Variants in ACIN1 observed in about 807,000 individuals in gnomAD.
The protein encoded by ACIN1 is apoptotic chromatin condensation inducer in the nucleus.
In ACIN1, 16 loss-of-function variants were observed where a neutral mutation model predicts 146.6. That is an observed-to-expected ratio of 0.11 (90% CI 0.07 to 0.17). The LOEUF (loss-of-function observed/expected upper bound fraction) is 0.17, where lower values mean the gene tolerates loss of function less well. Ranked by LOEUF, ACIN1 falls within the 10% of genes least tolerant of loss-of-function variation. The pLI is 1.00. For missense variants in ACIN1, 1,357 were observed against 1,609.3 expected, an observed-to-expected ratio of 0.84 and a Z score of 2.68; for synonymous variants, 569 against 582.7, an observed-to-expected ratio of 0.98 and a Z score of 0.34.
chr14:23,079,688 G>A lies in ACIN1; in HGVS notation c.1647C>T (p.Leu549=), dbSNP rs1594772010. The change falls in exon 6 of 19, where the codon CTC becomes CTT. Residue 549 remains leucine (L), a synonymous_variant. Transcript: ENST00000605057. ...DSSGSRSHSP[L]RSKQRDVAQA... The stretch of plus-strand genomic sequence containing the variant: ...GGGCTACATCTCTCTGCTTGGATCT[G>A]AGCGGTGAATGAGACCGAGAACCTG... 6.2e-7 allele frequency: 1 copy of A among 1,614,136 alleles called. No individual in the cohort carries two copies. The highest frequency in any genetic ancestry group is 8.5e-7 in the Non-Finnish European group (1 of 1,180,028).
intron 18 of ACIN1, among the ~76,000 whole-genome samples, chr14:23,059,956 GTTTTTTTT>G (rs397830741): frequency 1.0e-5 from 1 of 100,148 alleles, no homozygotes; most frequent in African/African-American, 4.1e-5. Flanking sequence ...CGCCCCGCCA[GTTTTTTTT>G]TTTTTTTTTT....
Position 23,080,302 on chromosome 14 carries a change from C to G in ACIN1, c.1033G>C (p.Ala345Pro). Reference protein sequence around the residue: ...TEDRKKASLVALPEQTASEEE... With the variant: ...TEDRKKASLVPLPEQTASEEE... ...TCGCTGGCAGTTTGCTCTGGCAGCG[C>G]TACAAGTGAGGCCTTCTTTCGATCT... Residue 345 changes from alanine (A) to proline (P), a missense_variant, in exon 6 of 19, where the codon GCG (alanine) becomes CCG (proline). Ala to Pro is a conservative substitution (Grantham distance 27). This residue lies in a region of ACIN1 where 771 missense variants were observed against 746.6 expected (regional missense o/e 1.03). Transcript: ENST00000605057. 1 of 1,614,172 alleles carries G rather than the reference C, an allele frequency of 6.2e-7. No individual in the cohort carries two copies. The highest frequency in any genetic ancestry group is 1.3e-5 in the African/African-American group (1 of 75,038).
At chr14:23,059,675 C>T (rs2047205363) in intron 18 of ACIN1, among the ~76,000 whole-genome samples, 2 of 147,882 alleles carry the variant, frequency 1.4e-5, no homozygotes, top group African/African-American at 2.5e-5. Context: ...TTTTCTGAGA[C>T]GGAGTCTCGC....
At chr14:23,078,632 C>A (rs897325515) in intron 7 of ACIN1, among the ~76,000 whole-genome samples, 188 bp downstream of exon 7, 9 of 152,190 alleles carry the variant, frequency 5.9e-5, no homozygotes, top group African/African-American at 1.4e-4. Flanking sequence ...GATAACCCTG[C>A]TGCTCAGCCT....
chr14:23,080,318 C>T lies in ACIN1; in HGVS notation c.1017G>A (p.Lys339=), dbSNP rs976008864. 4 of 1,614,204 alleles carry T rather than the reference C, an allele frequency of 2.5e-6. No individual in the cohort carries two copies. Among genetic ancestry groups the T allele is most frequent in the Non-Finnish European group, 3.4e-6 (4 of 1,180,030 alleles). Reference sequence around the variant, plus strand: ...CTGGCAGCGCTACAAGTGAGGCCTTCTTTCGATCTTCAGTCAGTCGAGGAG... The same window carrying T: ...CTGGCAGCGCTACAAGTGAGGCCTTTTTTCGATCTTCAGTCAGTCGAGGAG... ...PSPPRLTEDR[K]KASLVALPEQ... The change falls in exon 6 of 19, where the codon AAG becomes AAA. Residue 339 remains lysine (K), a synonymous_variant. Transcript: ENST00000605057.
chr14:23,059,113 A>G lies in ACIN1; in HGVS notation c.*35T>C, dbSNP rs773115909. 2.5e-6 allele frequency: 4 copies of G among 1,602,836 alleles called. No homozygotes were observed. The East Asian group carries it at 6.7e-5, about 27-fold the overall frequency. ...CTGTGGCCATAACCCCCTGGGGCCG[A>G]GTGGCTGGTACCTGCAGCTCTAGTG... On this transcript the variant is annotated 3_prime_UTR_variant, in exon 19 of 19. Transcript: ENST00000605057.
At position 23,061,312 on chromosome 14, in the gene ACIN1, T is replaced by C. The variant is rs758319498; in HGVS notation, c.3410A>G (p.Lys1137Arg). The C allele has an allele frequency of 1.2e-6, 2 of 1,614,034 alleles. No individual in the cohort carries two copies. The highest frequency in any genetic ancestry group is 1.7e-6 in the Non-Finnish European group (2 of 1,179,922). Residue 1137 changes from lysine (K) to arginine (R), a missense_variant, in exon 17 of 19, where the codon AAG becomes AGG. This residue lies in a region of ACIN1 where 509 missense variants were observed against 719.6 expected (regional missense o/e 0.71). Transcript: ENST00000605057. ...RKERAKSKEK[K>R]SEKKEKAQEE... is the part of the protein sequence containing the mutation. ...TAAGTACCTACCTTTCTTCTCACTC[T>C]TCTTTTCTTTAGACTTCGCACGTTC...
rs1594731950 is a variant in ACIN1, at chr14:23,058,823, T to G, written c.*325A>C. The G allele has an allele frequency of 5.5e-6, 2 of 363,080 alleles. No homozygotes were observed. The highest frequency in any genetic ancestry group is 9.9e-5 in the East Asian group (2 of 20,150). The allele number at this position is 363,080 out of a possible 1,614,324, so 22.5% of individuals were successfully genotyped here. ...AGAAGGCTGTAAGTACCCAGGGAGG[T>G]GGTAAGCAGGATGGAGGAAAAATCA... On this transcript the variant is annotated 3_prime_UTR_variant, in exon 19 of 19. Coordinates refer to ENST00000605057, the MANE Select transcript of ACIN1 (RefSeq NM_001386863.1).
chr14:23,078,087 G>A, intron 8 of ACIN1, 64 bp downstream of exon 8: 1 of 1,450,418 alleles, frequency 6.9e-7, no homozygotes, highest in East Asian at 2.3e-5. Flanking sequence ...AGAACCCTAG[G>A]GAGCGAAGAA....
At chr14:23,072,742 T>A (rs1393731520) in intron 8 of ACIN1, among the ~76,000 whole-genome samples, 1 of 152,252 alleles carries the variant, frequency 6.6e-6, no homozygotes, top group East Asian at 1.9e-4. Flanking sequence ...ATCTTACACT[T>A]ACAATGCCAA....
At chr14:23,093,421 CT>C in intron 2 of ACIN1, 57 bp downstream of exon 2, 1 of 1,510,406 alleles carries the variant, frequency 6.6e-7, no homozygotes, top group South Asian at 1.1e-5. Context: ...ACACCACGTC[CT>C]TCCATGTGTC....
chr14:23,094,995 G>A lies in ACIN1; in HGVS notation c.118C>T (p.Leu40=). The A allele has an allele frequency of 6.2e-7, 1 of 1,606,286 alleles. No individual in the cohort carries two copies. The highest frequency in any genetic ancestry group is 1.1e-5 in the South Asian group (1 of 90,996). The change falls in exon 1 of 19, where the codon CTG becomes TTG. Residue 40 remains leucine, a synonymous_variant. Transcript: ENST00000605057. ...GLAKSGQKSA[L]VKRLKGALML... ...CTCACCCCTTTGAGCCGCTTGACCA[G>A]GGCACTCTTCTGCCCGCTCTTGGCT... is the stretch of plus-strand genomic sequence containing the variant.
intron 15 of ACIN1, 51 bp from the exon 16 acceptor site, chr14:23,062,326 C>CCCACGTGCTG: frequency 6.3e-7 from 1 of 1,595,418 alleles, no homozygotes; most frequent in Non-Finnish European, 8.6e-7. Flanking sequence ...TGCAACCCTT[C>CCCACGTGCTG]CCACGTGCTG....
intron 8 of ACIN1, among the ~76,000 whole-genome samples, chr14:23,077,548 A>G (rs753611790): frequency 4.6e-5 from 7 of 152,216 alleles, no homozygotes; most frequent in African/African-American, 1.7e-4. Context: ...CTTAATATAA[A>G]GATTTTAAAA....
rs1052904 is a variant in ACIN1, at chr14:23,058,669, T to G, written c.*479A>C. The G allele has an allele frequency of 3.0e-3, 486 of 163,952 alleles. 2 individuals carry two copies. Among genetic ancestry groups the G allele is most frequent in the African/African-American group, 0.011 (461 of 41,818 alleles). 10.2% of individuals were successfully genotyped at this position (163,952 alleles called of 1,614,324 possible). ...ACAAAAGGAAAAGGTGGATATAAAGTGGAACCTGTGGGAAAGAGGCAAGGG... is the reference window on the plus strand; with the variant it reads ...ACAAAAGGAAAAGGTGGATATAAAGGGGAACCTGTGGGAAAGAGGCAAGGG... On this transcript the variant is annotated 3_prime_UTR_variant, in exon 19 of 19. Transcript: ENST00000605057.
At chr14:23,095,223 C>G, upstream of ACIN1, 1 of 1,613,714 alleles carries the variant, frequency 6.2e-7, no homozygotes, top group Non-Finnish European at 8.5e-7. Context: ...TACTCTACCC[C>G]TCGATTACCA....
chr14:23,090,259 C>T lies in ACIN1; in HGVS notation c.317-158G>A, dbSNP rs2048196034. Among the ~76,000 whole-genome samples, 6 of 152,230 alleles carry T rather than the reference C, an allele frequency of 3.9e-5. No individual in the cohort carries two copies. The highest frequency in any genetic ancestry group is 8.8e-5 in the Non-Finnish European group (6 of 68,030). On this transcript the variant is annotated intron_variant, in intron 3 of 18. Coordinates refer to ENST00000605057, the MANE Select transcript of ACIN1 (RefSeq NM_001386863.1). The stretch of plus-strand genomic sequence containing the variant: ...AGAAAAAACTCCCTGGGATTCAGCT[C>T]TACTTCATCTAAATGGTAGCTTAAT...
Position 23,069,605 on chromosome 14 carries a change from C to T in ACIN1, c.2136G>A (p.Glu712=), listed in dbSNP as rs2047565020. ...TTTCACTTGTGTCCATGGTCACTTC[C>T]TCCTTCTCCTCACTGACAGGAGGGG... ...ERIHHTVEEK[E]EVTMDTSENR... The change falls in exon 9 of 19, where the codon GAG becomes GAA. Residue 712 remains glutamate, a synonymous_variant. Coordinates refer to ENST00000605057, the MANE Select transcript of ACIN1 (RefSeq NM_001386863.1). 5 of 1,607,880 alleles carry T rather than the reference C, an allele frequency of 3.1e-6. No homozygotes were observed. The highest frequency in any genetic ancestry group is 3.4e-6 in the Non-Finnish European group (4 of 1,177,302).
chr14:23,074,182 T>C (rs1167636240), intron 8 of ACIN1, among the ~76,000 whole-genome samples: 2 of 151,856 alleles, frequency 1.3e-5, no homozygotes, highest in Non-Finnish European at 2.9e-5. Context: ...CACGTTCTCC[T>C]TTACCCTCTT....
Sources: gnomAD v4.1 joint callset for allele counts (sites outside exome capture counted in the v4.1 genomes callset) on GRCh38, gnomAD v4.1.1 for gene constraint, gnomAD v4.1.1 regional missense constraint, MANE v1.5 for transcripts, NCBI Gene and HGNC (gene_info 2026-07-23, HGNC 2026-07-21) for gene names.